The following SH3RF1 variants were observed in gnomAD, a reference collection of about 807,000 sequenced individuals.
SH3RF1 encodes E3 ubiquitin-protein ligase SH3RF1.
In SH3RF1, 32 loss-of-function variants were observed where a neutral mutation model predicts 74.0. That is an observed-to-expected ratio of 0.43 (90% confidence interval 0.33 to 0.58). SH3RF1 has a LOEUF of 0.58. Among genes scored for constraint, SH3RF1 ranks in the 20% least tolerant of loss-of-function variants. SH3RF1 has a pLI of 0.05. For synonymous variants in SH3RF1, 396 were observed against 439.6 expected (o/e 0.90, Z 1.24); for missense variants, 954 against 1,130.9 (o/e 0.84, Z 2.24).
At chr4:169,184,143 C>T (rs923175399) in intron 2 of SH3RF1, among the ~76,000 whole-genome samples, 2 of 152,162 alleles carry the variant, frequency 1.3e-5, no homozygotes, top group Non-Finnish European at 2.9e-5. Context: ...AGGGCACTCC[C>T]ACCGGCAGGC....
intron 8 of SH3RF1, among the ~76,000 whole-genome samples, chr4:169,120,071 T>C (rs1733413790): frequency 2.6e-5 from 4 of 152,200 alleles, no homozygotes; most frequent in Admixed American, 1.3e-4. Context: ...TGTGGGAGGC[T>C]GTCCTATGCA....
chr4:169,147,187 A>C (rs1733906826), intron 4 of SH3RF1, among the ~76,000 whole-genome samples: 1 of 152,198 alleles, frequency 6.6e-6, no homozygotes, highest in South Asian at 2.1e-4. Flanking sequence ...ATATTTGTTC[A>C]CTGAATGCAC....
chr4:169,190,673 C>T (rs1248818415), intron 2 of SH3RF1, among the ~76,000 whole-genome samples: 5 of 152,050 alleles, frequency 3.3e-5, no homozygotes, highest in Non-Finnish European at 5.9e-5. Context: ...GTCCTATTGA[C>T]ACTATTCCGC....
chr4:169,244,011 T>C (rs188587161), intron 2 of SH3RF1, among the ~76,000 whole-genome samples: 37 of 152,264 alleles, frequency 2.4e-4, no homozygotes, highest in African/African-American at 8.7e-4. Flanking sequence ...GACTAAAGAG[T>C]AGTAAATGAG....
At chr4:169,199,071 C>A (rs977170318) in intron 2 of SH3RF1, among the ~76,000 whole-genome samples, 1 of 152,070 alleles carries the variant, frequency 6.6e-6, no homozygotes, top group African/African-American at 2.4e-5. Context: ...TAGTGGCAAA[C>A]CTAAACAATC....
intron 4 of SH3RF1, among the ~76,000 whole-genome samples, chr4:169,149,646 C>T (rs1219529662): frequency 3.9e-5 from 6 of 152,142 alleles, no homozygotes; most frequent in African/African-American, 1.4e-4. Flanking sequence ...CTAAGCAACA[C>T]AGTAATTCCC....
intron 8 of SH3RF1, among the ~76,000 whole-genome samples, chr4:169,118,412 T>C (rs1733378104): frequency 6.6e-6 from 1 of 152,220 alleles, no homozygotes; most frequent in African/African-American, 2.4e-5. Flanking sequence ...AACTCCACAA[T>C]TGTTTATGCT....
intron 2 of SH3RF1, chr4:169,166,246 G>A (rs929300087): frequency 6.6e-6 from 1 of 152,158 alleles, no homozygotes; most frequent in African/African-American, 2.4e-5. Flanking sequence ...TTAAAAACAG[G>A]CAAAAGTTCT....
At chr4:169,194,796 G>T (rs1734783157) in intron 2 of SH3RF1, among the ~76,000 whole-genome samples, 1 of 152,182 alleles carries the variant, frequency 6.6e-6, no homozygotes, top group African/African-American at 2.4e-5. Flanking sequence ...TTGTATCAAT[G>T]CATGTTCCCT....
chr4:169,142,451 A>AT (rs1430114297), intron 4 of SH3RF1, among the ~76,000 whole-genome samples: 3 of 152,000 alleles, frequency 2.0e-5, no homozygotes, highest in Non-Finnish European at 2.9e-5. Context: ...AGAAACCTAC[A>AT]TTTTTTCCTA....
intron 2 of SH3RF1, among the ~76,000 whole-genome samples, chr4:169,243,681 G>C (rs1399709895): frequency 6.6e-6 from 1 of 152,184 alleles, no homozygotes; most frequent in Non-Finnish European, 1.5e-5. Context: ...CACAAGGTGA[G>C]GTAATGCCTG....
chr4:169,140,211 G>A (rs1049683444), intron 4 of SH3RF1, among the ~76,000 whole-genome samples: 1 of 152,174 alleles, frequency 6.6e-6, no homozygotes, highest in Non-Finnish European at 1.5e-5. Context: ...AGCTTTTGCT[G>A]TAAGTATAGC....
In SH3RF1 at chr4:169,263,336, G is replaced by T. The variant is rs1364833842; in HGVS notation, c.393+5484C>A. 3.3e-5 allele frequency among the ~76,000 whole-genome samples: 5 copies of T among 152,158 alleles called. No homozygotes were observed. The East Asian group carries it at 9.6e-4, about 29-fold the overall frequency. On this transcript the variant is annotated intron_variant, in intron 2 of 11. Transcript: ENST00000284637. Reference sequence around the variant, plus strand: ...ACCCCCTGATGCTTCACTATCTGCTGCCTTACTTGTTGTTTCTTGTGTGTT... The same window carrying T: ...ACCCCCTGATGCTTCACTATCTGCTTCCTTACTTGTTGTTTCTTGTGTGTT...
intron 2 of SH3RF1, among the ~76,000 whole-genome samples, chr4:169,159,485 G>A (rs1734117395): frequency 6.6e-6 from 1 of 152,174 alleles, no homozygotes; most frequent in South Asian, 2.1e-4. Context: ...GGTACTGGCT[G>A]GAAGCACAAA....
In SH3RF1 at chr4:169,146,264, C is replaced by T. The variant is rs113326959; in HGVS notation, c.765+9216G>A. Among the ~76,000 whole-genome samples the T allele has an allele frequency of 4.9e-3, 705 of 143,884 alleles. 6 individuals are homozygous for T. Among genetic ancestry groups the T allele is most frequent in the African/African-American group, 0.017 (643 of 38,862 alleles). 94.4% of individuals were successfully genotyped at this position (143,884 alleles called of 152,430 possible). A position where few individuals can be genotyped will look rare whatever the true frequency, so the allele number is the denominator to read the frequency against. ...TTTTTTTTTGAGACCAAGTCTCGCT[C>T]TGTAGCCCAGGCTGCAGTGCAGTGG... On this transcript the variant is annotated intron_variant, in intron 4 of 11. Coordinates refer to ENST00000284637, the MANE Select transcript of SH3RF1 (RefSeq NM_020870.4).
At chr4:169,134,103 C>T (rs777064817) in intron 5 of SH3RF1, among the ~76,000 whole-genome samples, 8 of 152,138 alleles carry the variant, frequency 5.3e-5, no homozygotes, top group Admixed American at 2.0e-4. Context: ...CTGTAAACCT[C>T]GGCTGGAGAA....
intron 4 of SH3RF1, among the ~76,000 whole-genome samples, chr4:169,143,409 T>C (rs2706715): frequency 0.56 from 84,419 of 152,066 alleles, 25,326 homozygotes; most frequent in East Asian, 0.7. Flanking sequence ...TTTGGACGAG[T>C]CTCGCTGCAA....
chr4:169,115,634 T>G (rs1042824349), intron 10 of SH3RF1, among the ~76,000 whole-genome samples: 1 of 152,086 alleles, frequency 6.6e-6, no homozygotes, highest in Non-Finnish European at 1.5e-5. Flanking sequence ...TACACTGTAA[T>G]AATAATAGAA....
In SH3RF1 at chr4:169,211,192, C is replaced by A. The variant is rs564367856; in HGVS notation, c.394-54513G>T. ...CCCATTCTCCAAAGAAGAAACTAGC[C>A]GGGCACGGTGTTGAGCACGGTGGCT... On this transcript the variant is annotated intron_variant, in intron 2 of 11. Transcript: ENST00000284637. 5.9e-5 allele frequency among the ~76,000 whole-genome samples: 9 copies of A among 152,178 alleles called. No individual in the cohort carries two copies. The South Asian group carries it at 1.9e-3, about 32-fold the overall frequency.
Sources: gnomAD v4.1 joint callset for allele counts (sites outside exome capture counted in the v4.1 genomes callset) on GRCh38, gnomAD v4.1.1 for gene constraint, MANE v1.5 for transcripts, NCBI Gene and HGNC (gene_info 2026-07-23, HGNC 2026-07-21) for gene names.